The following ATP8B2 variants were observed in gnomAD, a reference collection of about 807,000 sequenced individuals.
ATP8B2 encodes phospholipid-transporting ATPase ID.
ATP8B2 carries 70 observed loss-of-function variants against 133.4 expected under a neutral mutation model. The ratio of observed to expected loss-of-function variants is 0.52; its 90% CI spans 0.43 to 0.64. The LOEUF is 0.64. ATP8B2 is among the 30% of genes least tolerant of loss of function. The pLI is 0.00. For synonymous variants in ATP8B2, 517 were observed against 589.5 expected (o/e 0.88, Z 1.78); for missense variants, 1,101 against 1,535.7 (o/e 0.72, Z 4.73).
chr1:154,334,262 G>T lies in ATP8B2; in HGVS notation c.745G>T (p.Ala249Ser). The change falls in exon 10 of 28, where the codon GCA becomes TCA. Residue 249 changes from alanine to serine, a missense_variant. Physicochemically the swap from Ala to Ser is moderately conservative, Grantham distance 99. Transcript: ENST00000368489. This position sits in a 1 kb window ranked among gnomAD's most constrained non-coding sequence, Gnocchi z 4.6. ...GTGGTGCTTCGGGCTGGTCATCTTT[G>T]CAGGTGAGCCTCCTAGCATCCAAAG... ...TEWCFGLVIFAGPDTKLMQNS... is the reference protein window; with the variant it reads ...TEWCFGLVIFSGPDTKLMQNS... The T allele has an allele frequency of 6.2e-7, 1 of 1,613,894 alleles. No homozygotes were observed. Among genetic ancestry groups the T allele is most frequent in the Non-Finnish European group, 8.5e-7 (1 of 1,179,808 alleles).
rs747223710 is a variant in ATP8B2, at chr1:154,348,549, A to C, written c.3294+11A>C. On this transcript the variant is annotated intron_variant, in intron 27 of 27. Coordinates refer to ENST00000368489, the MANE Select transcript of ATP8B2 (RefSeq NM_001370597.1). ...GATCTCTCCGACACGGTGAGAAGCC[A>C]GGCTACCTGCTGTGGGAGGCAGAGA... The C allele has an allele frequency of 1.2e-6, 2 of 1,612,778 alleles. No individual in the cohort carries two copies. The highest frequency in any genetic ancestry group is 8.5e-7 in the Non-Finnish European group (1 of 1,179,342).
intron 9 of ATP8B2, 84 bp downstream of exon 9, chr1:154,332,781 TGGG>T: frequency 9.0e-7 from 1 of 1,110,808 alleles, no homozygotes; most frequent in Non-Finnish European, 1.3e-6. Context: ...CATTTTCCTT[TGGG>T]CTTTTTGTTG....
rs961352459 is a variant in ATP8B2, at chr1:154,340,339, C to T, written c.1035-515C>T. On this transcript the variant is annotated intron_variant, in intron 12 of 27. Transcript: ENST00000368489. The surrounding 1 kb of genome is among the most constrained non-coding windows in gnomAD (Gnocchi z 4.0). Reference sequence around the variant, plus strand: ...TGCCCCAAGCCCAGGGTGGAAGGAGCGCACCCAGCCTGTGGTGGGACAGTG... The same window carrying T: ...TGCCCCAAGCCCAGGGTGGAAGGAGTGCACCCAGCCTGTGGTGGGACAGTG... 6.6e-6 allele frequency among the ~76,000 whole-genome samples: 1 copy of T among 152,128 alleles called. No homozygotes were observed. The highest frequency in any genetic ancestry group is 1.5e-5 in the Non-Finnish European group (1 of 68,028).
rs377246702 is a variant in ATP8B2 at position 154,335,489 on chromosome 1, C to T, written c.837+898C>T. The stretch of plus-strand genomic sequence containing the variant: ...GGAGGATCATTTGAGCCTAGGAGTT[C>T]GAAAACAGCCTGGACACCATAGTGA... On this transcript the variant is annotated intron_variant, in intron 11 of 27. Coordinates refer to ENST00000368489, the MANE Select transcript of ATP8B2 (RefSeq NM_001370597.1). 4.7e-5 allele frequency among the ~76,000 whole-genome samples: 7 copies of T among 150,462 alleles called. No individual in the cohort carries two copies. The South Asian group carries it at 1.5e-3, about 32-fold the overall frequency.
At position 154,334,397 on chromosome 1, in the gene ATP8B2, C is replaced by A; in HGVS notation, c.749-106C>A. 1 of 1,508,342 alleles carries A rather than the reference C, an allele frequency of 6.6e-7. No homozygotes were observed. Among genetic ancestry groups the A allele is most frequent in the South Asian group, 1.2e-5 (1 of 85,040 alleles). 93.4% of individuals were successfully genotyped at this position (1,508,342 alleles called of 1,614,324 possible). On this transcript the variant is annotated intron_variant, in intron 10 of 27. Transcript: ENST00000368489. This position sits in a 1 kb window ranked among gnomAD's most constrained non-coding sequence, Gnocchi z 4.6. ...CTGTGTATACAGGCTTCTTATCTAG[C>A]CAGTATCTCTATTCCACCCTGGTGT...
Position 154,345,657 on chromosome 1 carries a change from C to A in ATP8B2, c.2694+112C>A. On this transcript the variant is annotated intron_variant, in intron 23 of 27. Coordinates refer to ENST00000368489, the MANE Select transcript of ATP8B2 (RefSeq NM_001370597.1). This position sits in a 1 kb window ranked among gnomAD's most constrained non-coding sequence, Gnocchi z 5.6. Reference sequence around the variant, plus strand: ...GCCTAGCTATTTTCTGGTACATACTCTTAAAAAATGCTTATTAAAGGAGGA... The same window carrying A: ...GCCTAGCTATTTTCTGGTACATACTATTAAAAAATGCTTATTAAAGGAGGA... The A allele has an allele frequency of 7.6e-7, 1 of 1,321,434 alleles. No homozygotes were observed. Among genetic ancestry groups the A allele is most frequent in the South Asian group, 1.3e-5 (1 of 77,596 alleles). The allele number at this position is 1,321,434 out of a possible 1,614,324, so 81.9% of individuals were successfully genotyped here. A position where few individuals can be genotyped will look rare whatever the true frequency, so the allele number is the denominator to read the frequency against.
chr1:154,328,689 C>A lies in ATP8B2; in HGVS notation c.31+517C>A. The stretch of plus-strand genomic sequence containing the variant: ...GCTGGCAGGCTGCGGCTCCTGCAGT[C>A]GGGGAGCGGGCGGGGGCGGAACCCT... On this transcript the variant is annotated intron_variant, in intron 2 of 27. Transcript: ENST00000368489. This position sits in a 1 kb window ranked among gnomAD's most constrained non-coding sequence, Gnocchi z 4.6. 1.3e-6 allele frequency: 1 copy of A among 744,830 alleles called. No individual in the cohort carries two copies. Among genetic ancestry groups the A allele is most frequent in the Non-Finnish European group, 1.6e-6 (1 of 609,120 alleles). 46.1% of individuals were successfully genotyped at this position (744,830 alleles called of 1,614,324 possible). A position where few individuals can be genotyped will look rare whatever the true frequency, so the allele number is the denominator to read the frequency against.
intron 8 of ATP8B2, 49 bp from the exon 9 acceptor site, chr1:154,332,569 A>G: frequency 6.9e-7 from 1 of 1,447,280 alleles, no homozygotes. Flanking sequence ...GAAAAAAAAC[A>G]TTTAGAGGAT....
chr1:154,327,860 A>G (rs1427831054), intron 1 of ATP8B2: 2 of 1,613,312 alleles, frequency 1.2e-6, no homozygotes, highest in Non-Finnish European at 1.7e-6. Flanking sequence ...CTTTCCCTAC[A>G]GGCATGGGCT....
In ATP8B2 at chr1:154,346,497, T is replaced by TC. The variant is rs750947117; in HGVS notation, c.3024+25dup. The TC allele has an allele frequency of 1.9e-6, 3 of 1,605,800 alleles. No homozygotes were observed. The South Asian group carries it at 3.3e-5, about 18-fold the overall frequency. On this transcript the variant is annotated intron_variant, in intron 25 of 27. Transcript: ENST00000368489. This position sits in a 1 kb window ranked among gnomAD's most constrained non-coding sequence, Gnocchi z 4.5. ...TGCAGGTATGAGGCCATCCAGGAAC[T>TC]CCCCTCTTCTCTGGAAGGAGTGAGC...
chr1:154,334,098 C>A lies in ATP8B2; in HGVS notation c.590-9C>A. ...ACCTTAAGCAGTGGAATTCTTGTCT[C>A]CTGTTCAGGTGAAGTGATCTGTGAA... On this transcript the variant is annotated splice_polypyrimidine_tract_variant and intron_variant, in intron 9 of 27. Coordinates refer to ENST00000368489, the MANE Select transcript of ATP8B2 (RefSeq NM_001370597.1). The surrounding 1 kb of genome is among the most constrained non-coding windows in gnomAD (Gnocchi z 4.6). 1 of 1,613,768 alleles carries A rather than the reference C, an allele frequency of 6.2e-7. No homozygotes were observed. The highest frequency in any genetic ancestry group is 1.3e-5 in the African/African-American group (1 of 75,028).
At position 154,349,079 on chromosome 1, in the gene ATP8B2, T is replaced by C. The variant is rs1403142652; in HGVS notation, c.3534T>C (p.Ser1178=). The C allele has an allele frequency of 6.2e-7, 1 of 1,614,206 alleles. No individual in the cohort carries two copies. Among genetic ancestry groups the C allele is most frequent in the South Asian group, 1.1e-5 (1 of 91,088 alleles). The change falls in exon 28 of 28, where the codon AGT becomes AGC. Residue 1178 remains serine, a synonymous_variant. Transcript: ENST00000368489. ...SLRRKKSDSA[S]SPSGGADKPL... ...GCAGGAAGAAGAGTGACAGTGCCAG[T>C]AGCCCCAGTGGCGGTGCCGACAAGC...
rs760436220 is a variant in ATP8B2 at position 154,345,473 on chromosome 1, T to C, written c.2622T>C (p.Tyr874=). 7.8e-5 allele frequency: 126 copies of C among 1,614,110 alleles called. 1 individual carries two copies. The highest frequency in any genetic ancestry group is 1.4e-5 in the Non-Finnish European group (17 of 1,180,058). Residue 874 remains tyrosine (Y), a synonymous_variant, in exon 23 of 28, where the codon TAT becomes TAC. Transcript: ENST00000368489. This position sits in a 1 kb window ranked among gnomAD's most constrained non-coding sequence, Gnocchi z 5.6. ...TGCGAATGTGCAAGTTTCTTTGCTA[T>C]TTCTTCTACAAAAACTTTGCTTTCA... ...SYLRMCKFLC[Y]FFYKNFAFTM...
rs756570468 is a variant in ATP8B2, at chr1:154,349,633, A to G, written c.*515A>G. The G allele has an allele frequency of 6.5e-6, 1 of 154,808 alleles. No homozygotes were observed. The highest frequency in any genetic ancestry group is 1.4e-5 in the Non-Finnish European group (1 of 69,574). 9.6% of individuals were successfully genotyped at this position (154,808 alleles called of 1,614,324 possible). A position where few individuals can be genotyped will look rare whatever the true frequency, so the allele number is the denominator to read the frequency against. ...GTCCAGTTTGGTTTTGTCTTTTTTT[A>G]TTTGGCAAGTGGAGGAGGCTTTTAT... is the stretch of plus-strand genomic sequence containing the variant. On this transcript the variant is annotated 3_prime_UTR_variant, in exon 28 of 28. Transcript: ENST00000368489.
chr1:154,342,717 G>A, intron 14 of ATP8B2, 79 bp from the exon 15 acceptor site: 2 of 1,533,472 alleles, frequency 1.3e-6, no homozygotes, highest in South Asian at 2.3e-5. Flanking sequence ...ACTGAGAGTT[G>A]GGAGGGCAGG....
In ATP8B2 at chr1:154,348,918, C is replaced by T. The variant is rs764653687; in HGVS notation, c.3373C>T (p.Arg1125Trp). 37 of 1,613,830 alleles carry T rather than the reference C, an allele frequency of 2.3e-5. No individual in the cohort carries two copies. The highest frequency in any genetic ancestry group is 6.6e-5 in the South Asian group (6 of 91,072). ...CMRRVGRTGS[R>W]RSGYAFSHQE... ...GCGGCGGGTTGGCCGCACTGGCTCC[C>T]GGCGCTCCGGCTATGCCTTCTCCCA... Residue 1125 changes from arginine (R) to tryptophan (W), a missense_variant, in exon 28 of 28, where the codon CGG becomes TGG. By Grantham distance (101) the Arg-to-Trp change is moderately radical. Coordinates refer to ENST00000368489, the MANE Select transcript of ATP8B2 (RefSeq NM_001370597.1).
chr1:154,342,287 G>A (rs954235153), intron 13 of ATP8B2, among the ~76,000 whole-genome samples, 193 bp from the exon 14 acceptor site: 6 of 151,830 alleles, frequency 4.0e-5, no homozygotes, highest in African/African-American at 1.5e-4. Flanking sequence ...TGGGGTTCTG[G>A]AATCTAGGGT....
In ATP8B2 at chr1:154,328,718, C is replaced by T; in HGVS notation, c.31+546C>T. The T allele has an allele frequency of 2.3e-6, 2 of 869,506 alleles. No homozygotes were observed. The highest frequency in any genetic ancestry group is 2.8e-6 in the Non-Finnish European group (2 of 723,378). The allele number at this position is 869,506 out of a possible 1,614,324, so 53.9% of individuals were successfully genotyped here. On this transcript the variant is annotated intron_variant, in intron 2 of 27. Coordinates refer to ENST00000368489, the MANE Select transcript of ATP8B2 (RefSeq NM_001370597.1). The surrounding 1 kb of genome is among the most constrained non-coding windows in gnomAD (Gnocchi z 4.6). ...GAGCGGGCGGGGGCGGAACCCTGGG[C>T]GTGCTCGGCGTGTCCGGGGCCACTC... is the stretch of plus-strand genomic sequence containing the variant.
intron 1 of ATP8B2, 144 bp downstream of exon 1, chr1:154,325,846 C>G (rs1685769136): frequency 6.5e-6 from 1 of 153,486 alleles, no homozygotes. Context: ...TTGGGAGCTG[C>G]GGCCAGACGG....
Sources: allele counts gnomAD v4.1 joint callset (sites outside exome capture counted in the v4.1 genomes callset), GRCh38; gene constraint gnomAD v4.1.1; non-coding constraint Gnocchi (gnomAD v3.1); transcripts MANE v1.5; gene names NCBI Gene and HGNC (gene_info 2026-07-23, HGNC 2026-07-21).